The following NR1D2 variants were observed in gnomAD, a reference collection of about 807,000 sequenced individuals.
NR1D2 encodes the protein nuclear receptor subfamily 1 group D member 2, also known as V-erbA-related protein 1-related.
A neutral mutation model predicts 52.2 loss-of-function variants in NR1D2; 25 were observed. The ratio of observed to expected loss-of-function variants is 0.48; its 90% CI spans 0.35 to 0.67. The LOEUF (loss-of-function observed/expected upper bound fraction) is 0.67, where lower values mean the gene tolerates loss of function less well. NR1D2 is among the 30% of genes least tolerant of loss of function. NR1D2 has a pLI of 0.01. For missense variants in NR1D2, 681 were observed against 707.2 expected (o/e 0.96, Z 0.42); for synonymous variants, 259 against 230.1 (o/e 1.13, Z -1.14).
At chr3:23,946,230 G>GACGCCGC in intron 1 of NR1D2, 1 of 985,446 alleles carries the variant, frequency 1.0e-6, no homozygotes, top group Non-Finnish European at 1.2e-6. Context: ...CAGTGCACCG[G>GACGCCGC]ACGCCGCACG....
intron 1 of NR1D2, among the ~76,000 whole-genome samples, chr3:23,946,868 G>A (rs764076962): frequency 1.3e-5 from 2 of 152,226 alleles, no homozygotes; most frequent in Admixed American, 6.5e-5. Flanking sequence ...TAGATCTGAA[G>A]TGAGTGAGGT....
At chr3:23,946,235 C>T (rs930114720) in intron 1 of NR1D2, 3 of 985,318 alleles carry the variant, frequency 3.0e-6, no homozygotes, top group Non-Finnish European at 3.6e-6. Context: ...CACCGGACGC[C>T]GCACGCTCTT....
At chr3:23,947,189 T>A (rs1177634900) in intron 1 of NR1D2, among the ~76,000 whole-genome samples, 1 of 152,190 alleles carries the variant, frequency 6.6e-6, no homozygotes. Context: ...GTGAACCTCT[T>A]CTAACCCACC....
intron 6 of NR1D2, among the ~76,000 whole-genome samples, chr3:23,966,820 A>G (rs890504907): frequency 1.3e-5 from 2 of 152,142 alleles, no homozygotes; most frequent in Non-Finnish European, 1.5e-5. Flanking sequence ...ACTTGAGTCC[A>G]GGAGTTCGAG....
At chr3:23,961,498 C>T (rs1236870582) in intron 4 of NR1D2, among the ~76,000 whole-genome samples, 1 of 147,252 alleles carries the variant, frequency 6.8e-6, no homozygotes, top group African/African-American at 2.5e-5. Flanking sequence ...TGGGTTCAAG[C>T]GATTCTCCTG....
Position 23,962,075 on chromosome 3 carries a change from C to G in NR1D2, c.616C>G (p.His206Asp), listed in dbSNP as rs1706262401. 1 of 1,614,006 alleles carries G rather than the reference C, an allele frequency of 6.2e-7. No individual in the cohort carries two copies. The highest frequency in any genetic ancestry group is 2.2e-5 in the East Asian group (1 of 44,902). The change falls in exon 5 of 8, where the codon CAC becomes GAC. Residue 206 changes from histidine to aspartate, a missense_variant. This residue lies in a region of NR1D2 where 475 missense variants were observed against 454.5 expected (regional missense o/e 1.05). Coordinates refer to ENST00000312521, the MANE Select transcript of NR1D2 (RefSeq NM_005126.5). ...CATGATGAACAGCCAGTTCAGTGGT[C>G]ACTTGCAAAATGACACATTAGTAGA... is the stretch of plus-strand genomic sequence containing the variant. ...KTMMNSQFSG[H>D]LQNDTLVEHH... is the part of the protein sequence containing the mutation.
In NR1D2 at chr3:23,945,665, G is replaced by A. The variant is rs989733114; in HGVS notation, c.16+71G>A. The A allele has an allele frequency of 4.8e-6, 5 of 1,042,684 alleles. No individual in the cohort carries two copies. The South Asian group carries it at 1.4e-4, about 29-fold the overall frequency. The allele number at this position is 1,042,684 out of a possible 1,614,324, so 64.6% of individuals were successfully genotyped here. A position where few individuals can be genotyped will look rare whatever the true frequency, so the allele number is the denominator to read the frequency against. On this transcript the variant is annotated intron_variant, in intron 1 of 7. Transcript: ENST00000312521. ...TCAGAGCCCGCGGGGCACTTTGGGGGGCGGCGGCAGGGGGTGTCCCCATGG... is the reference window on the plus strand; with the variant it reads ...TCAGAGCCCGCGGGGCACTTTGGGGAGCGGCGGCAGGGGGTGTCCCCATGG...
At chr3:23,969,235 G>A (rs911558252) in intron 7 of NR1D2, among the ~76,000 whole-genome samples, 1 of 151,516 alleles carries the variant, frequency 6.6e-6, no homozygotes, top group African/African-American at 2.4e-5. Context: ...GCCGTGAGCC[G>A]AGATCACACC....
chr3:23,946,435 G>C, intron 1 of NR1D2: 2 of 360,546 alleles, frequency 5.5e-6, no homozygotes, highest in Non-Finnish European at 7.7e-6. Context: ...GAGCTCTGAG[G>C]TGCTTCGATC....
intron 6 of NR1D2, 151 bp downstream of exon 6, chr3:23,965,313 C>A: frequency 1.8e-6 from 1 of 566,024 alleles, no homozygotes; most frequent in Non-Finnish European, 2.9e-6. Context: ...GATCATAGCT[C>A]ACTGCAACCT....
Position 23,962,122 on chromosome 3 carries a change from G to A in NR1D2, c.663G>A (p.Leu221=). Residue 221 remains leucine (L), a synonymous_variant, in exon 5 of 8, where the codon TTG becomes TTA. Coordinates refer to ENST00000312521, the MANE Select transcript of NR1D2 (RefSeq NM_005126.5). ...TAGAACATCATGAACAGACAGCCTTGCCAGCCCAGGAACAGCTGCGACCCA... is the reference window on the plus strand; with the variant it reads ...TAGAACATCATGAACAGACAGCCTTACCAGCCCAGGAACAGCTGCGACCCA... ...TLVEHHEQTA[L]PAQEQLRPKP... 1 of 1,614,134 alleles carries A rather than the reference G, an allele frequency of 6.2e-7. No homozygotes were observed. Among genetic ancestry groups the A allele is most frequent in the Non-Finnish European group, 8.5e-7 (1 of 1,180,024 alleles).
Position 23,945,478 on chromosome 3 carries a change from C to A in NR1D2, c.-101C>A. 1.4e-6 allele frequency: 1 copy of A among 715,206 alleles called. No individual in the cohort carries two copies. Among genetic ancestry groups the A allele is most frequent in the Non-Finnish European group, 1.8e-6 (1 of 563,166 alleles). 44.3% of individuals were successfully genotyped at this position (715,206 alleles called of 1,614,324 possible). On this transcript the variant is annotated 5_prime_UTR_variant, in exon 1 of 8. Transcript: ENST00000312521. ...TGCCCATGAGGGGGCCCCGCGACCA[C>A]CGCTGCTTCCAGCCCGGGGCGGCGC...
At chr3:23,973,855 T>C (rs1465873165) in intron 7 of NR1D2, among the ~76,000 whole-genome samples, 1 of 152,000 alleles carries the variant, frequency 6.6e-6, no homozygotes, top group African/African-American at 2.4e-5. Context: ...ATTTACTTCT[T>C]AAACTTTATT....
chr3:23,948,007 A>G (rs1013358641), intron 1 of NR1D2, among the ~76,000 whole-genome samples: 2 of 151,964 alleles, frequency 1.3e-5, no homozygotes, highest in African/African-American at 2.4e-5. Context: ...AATCCCAGCT[A>G]CTTATGAGGC....
chr3:23,969,778 A>T (rs928738827), intron 7 of NR1D2, among the ~76,000 whole-genome samples: 8 of 152,048 alleles, frequency 5.3e-5, no homozygotes, highest in Non-Finnish European at 1.0e-4. Context: ...TGTCTGAGGT[A>T]AGCTGGAGTT....
chr3:23,950,156 A>G (rs1307628338), intron 1 of NR1D2, among the ~76,000 whole-genome samples: 1 of 152,234 alleles, frequency 6.6e-6, no homozygotes, highest in Non-Finnish European at 1.5e-5. Flanking sequence ...GTGTATGAAA[A>G]AAGCACTTAT....
chr3:23,953,559 C>T lies in NR1D2; in HGVS notation c.17-978C>T, dbSNP rs183592025. On this transcript the variant is annotated intron_variant, in intron 1 of 7. Transcript: ENST00000312521. ...GTAGTGAGTCTGGATTTCTTAAGAG[C>T]TGCTTAGAGATGAATGGCAGAATGG... 2.6e-5 allele frequency among the ~76,000 whole-genome samples: 4 copies of T among 152,178 alleles called. No homozygotes were observed. The East Asian group carries it at 7.7e-4, about 29-fold the overall frequency.
In NR1D2 at chr3:23,964,970, A is replaced by G. The variant is rs1229369084; in HGVS notation, c.1147-7A>G. ...ATTTAAGAGTTTTTCCGTTTTATGTATACTAGGTTTGTCCAATGAGTAAGT... is the reference window on the plus strand; with the variant it reads ...ATTTAAGAGTTTTTCCGTTTTATGTGTACTAGGTTTGTCCAATGAGTAAGT... On this transcript the variant is annotated splice_region_variant and splice_polypyrimidine_tract_variant and intron_variant, in intron 5 of 7. Transcript: ENST00000312521. 5 of 1,595,432 alleles carry G rather than the reference A, an allele frequency of 3.1e-6. No individual in the cohort carries two copies. In the African/African-American group the frequency reaches 5.4e-5, roughly 17 times the overall value.
intron 1 of NR1D2, chr3:23,946,243 C>G: frequency 1.0e-6 from 1 of 985,446 alleles, no homozygotes; most frequent in Non-Finnish European, 1.2e-6. Flanking sequence ...GCCGCACGCT[C>G]TTTTCGCGAG....
Sources: allele counts gnomAD v4.1 joint callset (sites outside exome capture counted in the v4.1 genomes callset), GRCh38; gene constraint gnomAD v4.1.1; regional missense constraint gnomAD v4.1.1; transcripts MANE v1.5; gene names NCBI Gene and HGNC (gene_info 2026-07-23, HGNC 2026-07-21).